Variants in ACTN1 observed in about 807,000 individuals in gnomAD.
ACTN1 encodes actinin alpha 1.
ACTN1 carries 30 observed loss-of-function variants against 119.6 expected under a neutral mutation model. That is an observed-to-expected ratio of 0.25 (90% CI 0.19 to 0.34). The LOEUF is 0.34. Among genes scored for constraint, ACTN1 ranks in the 10% least tolerant of loss-of-function variants. The pLI, the probability that ACTN1 is intolerant of heterozygous loss-of-function variation, is 1.00. For missense variants in ACTN1, 764 were observed against 1,223.4 expected, an observed-to-expected ratio of 0.62 and a Z score of 5.60; for synonymous variants, 429 against 472.6, an observed-to-expected ratio of 0.91 and a Z score of 1.20.
At chr14:68,930,645 G>C (rs1292727134) in intron 1 of ACTN1, among the ~76,000 whole-genome samples, 1 of 152,202 alleles carries the variant, frequency 6.6e-6, no homozygotes, top group Non-Finnish European at 1.5e-5. Context: ...AAAGAAGACT[G>C]CAAATCCAGG....
intron 1 of ACTN1, among the ~76,000 whole-genome samples, chr14:68,933,980 G>GAA (rs60158948): frequency 1.8e-4 from 21 of 119,698 alleles, no homozygotes; most frequent in Non-Finnish European, 1.4e-4. Flanking sequence ...CCTGTCTCAA[G>GAA]AAAAAAAAAA....
intron 8 of ACTN1, among the ~76,000 whole-genome samples, chr14:68,895,297 T>C (rs990606652): frequency 8.5e-5 from 13 of 152,264 alleles, no homozygotes; most frequent in Middle Eastern, 3.4e-3. Flanking sequence ...GGAGATGCCA[T>C]GACTGCTTCT....
intron 1 of ACTN1, among the ~76,000 whole-genome samples, chr14:68,943,910 C>A (rs1417733471): frequency 6.6e-6 from 1 of 152,208 alleles, no homozygotes; most frequent in Non-Finnish European, 1.5e-5. Flanking sequence ...TCTTCCAGGC[C>A]AGCCTTCAGA....
intron 1 of ACTN1, among the ~76,000 whole-genome samples, chr14:68,941,330 C>G (rs907860514): frequency 6.6e-6 from 1 of 152,210 alleles, no homozygotes; most frequent in Non-Finnish European, 1.5e-5. Flanking sequence ...GATTGCTGGG[C>G]CCCACCGCCA....
chr14:68,881,762 C>G (rs1381312761), intron 16 of ACTN1, among the ~76,000 whole-genome samples: 1 of 152,032 alleles, frequency 6.6e-6, no homozygotes, highest in Admixed American at 6.5e-5. Flanking sequence ...ATTCTATGCT[C>G]TACTGGGGTT....
chr14:68,962,017 A>G (rs1297551714), intron 1 of ACTN1, among the ~76,000 whole-genome samples: 1 of 152,158 alleles, frequency 6.6e-6, no homozygotes, highest in Admixed American at 6.5e-5. Context: ...GGCCCAGTAC[A>G]GCTGTGGCTG....
chr14:68,938,742 C>T (rs1318884844), intron 1 of ACTN1, among the ~76,000 whole-genome samples: 5 of 152,210 alleles, frequency 3.3e-5, no homozygotes, highest in African/African-American at 1.2e-4. Context: ...ACCCTGGACA[C>T]ATCAGGAGCC....
chr14:68,936,849 T>C, intron 1 of ACTN1: 1 of 590,476 alleles, frequency 1.7e-6, no homozygotes, highest in South Asian at 1.4e-5. Flanking sequence ...TTAAGAGTGG[T>C]AGGACAACTT....
In ACTN1 at chr14:68,878,110, C is replaced by G; in HGVS notation, c.2427+348G>C. 4.2e-6 allele frequency: 1 copy of G among 237,778 alleles called. No homozygotes were observed. Among genetic ancestry groups the G allele is most frequent in the South Asian group, 9.1e-5 (1 of 10,930 alleles). 14.7% of individuals were successfully genotyped at this position (237,778 alleles called of 1,614,324 possible). A position where few individuals can be genotyped will look rare whatever the true frequency, so the allele number is the denominator to read the frequency against. Reference sequence around the variant, plus strand: ...AGGTGGAAGTCTCGGTTTCCATGCTCCATGTGAGGTGACGCATGCCAGCCC... The same window carrying G: ...AGGTGGAAGTCTCGGTTTCCATGCTGCATGTGAGGTGACGCATGCCAGCCC... On this transcript the variant is annotated intron_variant, in intron 20 of 21. Coordinates refer to ENST00000394419, the MANE Select transcript of ACTN1 (RefSeq NM_001130004.2). The surrounding 1 kb of genome is among the most constrained non-coding windows in gnomAD (Gnocchi z 4.4).
chr14:68,884,124 G>A (rs2031798086), intron 14 of ACTN1, 44 bp downstream of exon 14: 2 of 1,581,292 alleles, frequency 1.3e-6, no homozygotes, highest in Non-Finnish European at 1.7e-6. Context: ...ATGGGCCAGG[G>A]GCCCCAGGGG....
At position 68,877,217 on chromosome 14, in the gene ACTN1, G is replaced by A; in HGVS notation, c.2451C>T (p.Ile817=). The A allele has an allele frequency of 1.2e-6, 2 of 1,614,150 alleles. No homozygotes were observed. The highest frequency in any genetic ancestry group is 1.7e-6 in the Non-Finnish European group (2 of 1,180,026). Residue 817 remains isoleucine (I), a synonymous_variant, in exon 21 of 22, where the codon ATC becomes ATT. Coordinates refer to ENST00000394419, the MANE Select transcript of ACTN1 (RefSeq NM_001130004.2). ...YNMGEAEFAR[I]MSIVDPNRLG... ...GGCGGTTGGGGTCCACAATGCTCATGATGCGGGCAAATTCTGCTTCTCCCT... is the reference window on the plus strand; with the variant it reads ...GGCGGTTGGGGTCCACAATGCTCATAATGCGGGCAAATTCTGCTTCTCCCT...
chr14:68,935,215 G>A (rs779857074), intron 1 of ACTN1, among the ~76,000 whole-genome samples: 1 of 151,552 alleles, frequency 6.6e-6, no homozygotes, highest in African/African-American at 2.4e-5. Context: ...GTAGAGATGG[G>A]GTTTCTCCAT....
chr14:68,932,513 C>CT (rs753725900), intron 1 of ACTN1, among the ~76,000 whole-genome samples: 1,167 of 87,260 alleles, frequency 0.013, 35 homozygotes, highest in African/African-American at 0.026. Context: ...ATACACCCAG[C>CT]TTTTTTTTTT....
intron 8 of ACTN1, among the ~76,000 whole-genome samples, chr14:68,899,519 T>TAC (rs201143797): frequency 7.2e-6 from 1 of 138,300 alleles, no homozygotes; most frequent in East Asian, 2.2e-4. Flanking sequence ...ATCCATACCA[T>TAC]ACACACACAC....
chr14:68,978,875 G>A, intron 1 of ACTN1, 77 bp downstream of exon 1: 1 of 984,942 alleles, frequency 1.0e-6, no homozygotes, highest in Non-Finnish European at 1.4e-6. Context: ...GCCCGGAGCC[G>A]AGAGCCCGGC....
At chr14:68,932,269 T>C (rs930198866) in intron 1 of ACTN1, among the ~76,000 whole-genome samples, 4 of 151,436 alleles carry the variant, frequency 2.6e-5, no homozygotes, top group Non-Finnish European at 5.9e-5. Flanking sequence ...AAGACTAGAC[T>C]GGCTGAGTCT....
chr14:68,939,419 G>A (rs1464081478), intron 1 of ACTN1, among the ~76,000 whole-genome samples: 5 of 152,186 alleles, frequency 3.3e-5, no homozygotes, highest in African/African-American at 4.8e-5. Flanking sequence ...ACTTCTGTGG[G>A]CCAGAATGAT....
chr14:68,958,315 C>G (rs1282746730), intron 1 of ACTN1, among the ~76,000 whole-genome samples: 1 of 152,128 alleles, frequency 6.6e-6, no homozygotes, highest in Non-Finnish European at 1.5e-5. Context: ...TGCACCTAGA[C>G]AGACTACTAG....
chr14:68,904,755 G>C lies in ACTN1; in HGVS notation c.595-19C>G. 2 of 1,605,898 alleles carry C rather than the reference G, an allele frequency of 1.2e-6. No homozygotes were observed. Among genetic ancestry groups the C allele is most frequent in the Non-Finnish European group, 1.7e-6 (2 of 1,172,886 alleles). The stretch of plus-strand genomic sequence containing the variant: ...GATCATCCTAGAGGGAGAAAAGGAG[G>C]AAGGGATGATAAAGTGAGAGCCACC... On this transcript the variant is annotated intron_variant, in intron 6 of 21. Transcript: ENST00000394419.
Sources: allele counts gnomAD v4.1 joint callset (sites outside exome capture counted in the v4.1 genomes callset), GRCh38; gene constraint gnomAD v4.1.1; non-coding constraint Gnocchi (gnomAD v3.1); transcripts MANE v1.5; gene names NCBI Gene and HGNC (gene_info 2026-07-23, HGNC 2026-07-21).